The following MYO5B variants were observed in gnomAD, a reference collection of about 807,000 sequenced individuals.
The protein encoded by MYO5B is unconventional myosin-Vb.
MYO5B carries 143 observed loss-of-function variants against 229.3 expected under a neutral mutation model. The ratio of observed to expected loss-of-function variants is 0.62; its 90% CI spans 0.54 to 0.72. MYO5B has a LOEUF of 0.72. MYO5B is among the 30% of genes least tolerant of loss of function. MYO5B has a pLI of 0.00. For missense variants in MYO5B, 2,321 were observed against 2,331.0 expected (o/e 1.00, Z 0.09); for synonymous variants, 918 against 885.2 (o/e 1.04, Z -0.66).
chr18:49,858,252 CG>C (rs1229810176), intron 29 of MYO5B, among the ~76,000 whole-genome samples: 3 of 152,216 alleles, frequency 2.0e-5, no homozygotes, highest in Admixed American at 1.3e-4. Context: ...AGCATCATCC[CG>C]TCTCAGATGT....
intron 4 of MYO5B, among the ~76,000 whole-genome samples, chr18:50,006,952 C>T (rs2026108663): frequency 6.6e-6 from 1 of 152,226 alleles, no homozygotes. Flanking sequence ...GGCAGCACTA[C>T]TCAAAGCATC....
chr18:50,018,513 G>A (rs938265001), intron 4 of MYO5B, among the ~76,000 whole-genome samples: 1 of 152,166 alleles, frequency 6.6e-6, no homozygotes, highest in African/African-American at 2.4e-5. Context: ...GTCAAGGCAA[G>A]CTTTATGAAA....
chr18:49,843,358 G>T lies in MYO5B; in HGVS notation c.4494C>A (p.Pro1498=). ...TGTAGAGGATGTAGGCGGGGAGACA[G>T]GGCACTGTGCCCGACAGCATCTGGG... The part of the protein sequence containing the change: ...LKPQMLSGTV[P]CLPAYILYMC... Residue 1498 remains proline (P), a synonymous_variant, in exon 34 of 40, where the codon CCC becomes CCA. Coordinates refer to ENST00000285039, the MANE Select transcript of MYO5B (RefSeq NM_001080467.3). 6.2e-7 allele frequency: 1 copy of T among 1,614,186 alleles called. No individual in the cohort carries two copies. The highest frequency in any genetic ancestry group is 8.5e-7 in the Non-Finnish European group (1 of 1,180,042).
chr18:50,078,805 CT>C (rs148301132), intron 1 of MYO5B, among the ~76,000 whole-genome samples: 1 of 151,982 alleles, frequency 6.6e-6, no homozygotes, highest in Non-Finnish European at 1.5e-5. Context: ...TGCCCAGCAG[CT>C]TTTTTTTGTA....
At chr18:49,894,082 C>G (rs1425843248) in intron 22 of MYO5B, among the ~76,000 whole-genome samples, 1 of 152,196 alleles carries the variant, frequency 6.6e-6, no homozygotes, top group East Asian at 1.9e-4. Flanking sequence ...GGATGGGAAT[C>G]TGGGGACTCC....
At chr18:50,106,259 G>GGGT (rs1343612335) in intron 1 of MYO5B, among the ~76,000 whole-genome samples, 1 of 152,228 alleles carries the variant, frequency 6.6e-6, no homozygotes, top group East Asian at 1.9e-4. Context: ...TTTCTCACTA[G>GGGT]GGTAAAACCC....
intron 36 of MYO5B, 102 bp downstream of exon 36, chr18:49,839,042 G>T: frequency 6.9e-7 from 1 of 1,454,842 alleles, no homozygotes; most frequent in Non-Finnish European, 9.6e-7. Context: ...TGGAGGTCAT[G>T]GCTAAGATAT....
intron 1 of MYO5B, among the ~76,000 whole-genome samples, chr18:50,128,294 G>T (rs557181765): frequency 2.6e-5 from 4 of 152,306 alleles, no homozygotes; most frequent in African/African-American, 9.6e-5. Context: ...GGAAGGCCAT[G>T]AGAAAATGGC....
chr18:50,110,734 G>A (rs534814361), intron 1 of MYO5B, among the ~76,000 whole-genome samples: 1 of 152,290 alleles, frequency 6.6e-6, no homozygotes, highest in African/African-American at 2.4e-5. Flanking sequence ...TTCCAAATAT[G>A]TCTGTAGCAT....
chr18:49,832,532 T>C (rs2023935860), intron 39 of MYO5B, among the ~76,000 whole-genome samples: 1 of 152,182 alleles, frequency 6.6e-6, no homozygotes. Flanking sequence ...CAGGCCATAG[T>C]CAGTAAATAC....
intron 15 of MYO5B, among the ~76,000 whole-genome samples, chr18:49,936,575 G>C (rs993425102): frequency 2.6e-5 from 4 of 152,032 alleles, no homozygotes; most frequent in African/African-American, 9.7e-5. Context: ...AATTACATGG[G>C]GGACAGACTA....
chr18:50,021,986 T>C (rs1377318998), intron 4 of MYO5B, among the ~76,000 whole-genome samples: 2 of 152,190 alleles, frequency 1.3e-5, no homozygotes, highest in Admixed American at 6.5e-5. Context: ...GTACAGTGAC[T>C]AGACAGCTGT....
chr18:49,943,438 C>G (rs2025338699), intron 14 of MYO5B, among the ~76,000 whole-genome samples: 1 of 152,124 alleles, frequency 6.6e-6, no homozygotes, highest in Non-Finnish European at 1.5e-5. Flanking sequence ...GGCAAGGTAA[C>G]TAGTGAGCTG....
At chr18:49,859,635 G>A (rs2024304286) in intron 29 of MYO5B, among the ~76,000 whole-genome samples, 1 of 152,142 alleles carries the variant, frequency 6.6e-6, no homozygotes, top group Non-Finnish European at 1.5e-5. Context: ...GCCATATGAG[G>A]GTGAACAGTT....
At chr18:50,010,371 G>A (rs748551713) in intron 4 of MYO5B, among the ~76,000 whole-genome samples, 24 of 152,142 alleles carry the variant, frequency 1.6e-4, no homozygotes, top group Non-Finnish European at 2.9e-4. Context: ...GAAAGAACCC[G>A]GGGAGTGCCA....
rs550991619 is a variant in MYO5B at position 49,844,967 on chromosome 18, T to G, written c.4460-1575A>C. 2.0e-5 allele frequency among the ~76,000 whole-genome samples: 3 copies of G among 152,244 alleles called. No individual in the cohort carries two copies. The South Asian group carries it at 6.2e-4, about 32-fold the overall frequency. On this transcript the variant is annotated intron_variant, in intron 33 of 39. Coordinates refer to ENST00000285039, the MANE Select transcript of MYO5B (RefSeq NM_001080467.3). The stretch of plus-strand genomic sequence containing the variant: ...GGTGGTCGGCAGTCAAGTTTTGGCA[T>G]TTGTTTGGATGGGGTCTTTTGGAGG...
At chr18:49,835,311 T>C in intron 39 of MYO5B, 33 bp downstream of exon 39, 5 of 1,490,742 alleles carry the variant, frequency 3.4e-6, no homozygotes, top group African/African-American at 1.4e-5. Context: ...AGTCGTAGAC[T>C]GGACTTTATA....
Position 49,904,791 on chromosome 18 carries a change from C to T in MYO5B, c.2452G>A (p.Val818Met). 1 of 1,614,020 alleles carries T rather than the reference C, an allele frequency of 6.2e-7. No individual in the cohort carries two copies. Among genetic ancestry groups the T allele is most frequent in the Non-Finnish European group, 8.5e-7 (1 of 1,180,028 alleles). Reference protein sequence around the residue: ...EHLRRIRAAVVLQKHYRMQRA... With the variant: ...EHLRRIRAAVMLQKHYRMQRA... ...TGCATGCGGTAATGTTTCTGGAGCACCACAGCCGCTCTGATCCTCCGCAGG... is the reference window on the plus strand; with the variant it reads ...TGCATGCGGTAATGTTTCTGGAGCATCACAGCCGCTCTGATCCTCCGCAGG... The change falls in exon 20 of 40, where the codon GTG becomes ATG. Residue 818 changes from valine (V) to methionine (M), a missense_variant. Physicochemically the swap from Val to Met is conservative, Grantham distance 21. This residue lies in a region of MYO5B where 2,113 missense variants were observed against 2,044.7 expected (regional missense o/e 1.03). Transcript: ENST00000285039.
chr18:49,925,312 G>A (rs2025116957), intron 17 of MYO5B, among the ~76,000 whole-genome samples: 1 of 152,216 alleles, frequency 6.6e-6, no homozygotes, highest in South Asian at 2.1e-4. Flanking sequence ...CCTGTGACCT[G>A]GAAGCTCCCG....
Sources: allele counts gnomAD v4.1 joint callset (sites outside exome capture counted in the v4.1 genomes callset), GRCh38; gene constraint gnomAD v4.1.1; regional missense constraint gnomAD v4.1.1; transcripts MANE v1.5; gene names NCBI Gene and HGNC (gene_info 2026-07-23, HGNC 2026-07-21).